Variants in RTN4 observed in about 807,000 individuals in gnomAD.
RTN4 encodes the protein reticulon-4.
In RTN4, 32 loss-of-function variants were observed where a neutral mutation model predicts 90.4. The observed-to-expected ratio is 0.35, with a 90% confidence interval of 0.27 to 0.48. The LOEUF is 0.48. Among genes scored for constraint, RTN4 ranks in the 20% least tolerant of loss-of-function variants. The pLI is 0.99. For missense variants in RTN4, 1,706 were observed against 1,430.2 expected (o/e 1.19, Z -3.11); for synonymous variants, 629 against 552.5 (o/e 1.14, Z -1.94).
chr2:55,027,100 C>T lies in RTN4; in HGVS notation c.999G>A (p.Lys333=). 6.2e-7 allele frequency: 1 copy of T among 1,611,992 alleles called. No homozygotes were observed. Among genetic ancestry groups the T allele is most frequent in the South Asian group, 1.1e-5 (1 of 91,000 alleles). Residue 333 remains lysine (K), a synonymous_variant, in exon 3 of 9, where the codon AAG becomes AAA. Transcript: ENST00000337526. ...TATGAAGGATGTTATTACTAACTAA[C>T]TTCTCTTCTTCATCTTTATTTTTCA... ...IIVKNKDEEE[K]LVSNNILHNQ...
chr2:54,976,727 C>T (rs1677666327), intron 5 of RTN4, among the ~76,000 whole-genome samples: 1 of 152,114 alleles, frequency 6.6e-6, no homozygotes, highest in Non-Finnish European at 1.5e-5. Flanking sequence ...AATGGGAATC[C>T]ACCACAAATG....
At chr2:55,003,968 A>T (rs1573355414) in intron 3 of RTN4, among the ~76,000 whole-genome samples, 2 of 152,316 alleles carry the variant, frequency 1.3e-5, no homozygotes, top group East Asian at 3.9e-4. Context: ...ATGGCTGTAC[A>T]TAAAAAGGGA....
chr2:55,042,176 C>T (rs989173157), intron 1 of RTN4, among the ~76,000 whole-genome samples: 2 of 152,124 alleles, frequency 1.3e-5, no homozygotes, highest in Non-Finnish European at 2.9e-5. Flanking sequence ...GGTACCTTAA[C>T]AGGTTGGTGG....
intron 1 of RTN4, among the ~76,000 whole-genome samples, chr2:55,038,482 A>C (rs1682840765): frequency 7.3e-6 from 1 of 137,242 alleles, no homozygotes. Context: ...TTGAACAGAC[A>C]CTTCACCAAA....
At chr2:55,076,928 A>G (rs1202113654) in intron 2 of RTN4, among the ~76,000 whole-genome samples, 1 of 152,050 alleles carries the variant, frequency 6.6e-6, no homozygotes, top group Admixed American at 6.6e-5. Flanking sequence ...CATGATGGAA[A>G]GTTTCCTGAG....
At chr2:55,073,101 T>C (rs985370754) in intron 2 of RTN4, among the ~76,000 whole-genome samples, 3 of 152,208 alleles carry the variant, frequency 2.0e-5, no homozygotes, top group Non-Finnish European at 2.9e-5. Flanking sequence ...TTAAATAAAT[T>C]AAAAAGAAAA....
intron 1 of RTN4, among the ~76,000 whole-genome samples, chr2:55,029,088 C>A (rs1029598276): frequency 2.6e-5 from 4 of 152,220 alleles, no homozygotes; most frequent in African/African-American, 9.6e-5. Flanking sequence ...GGGATTAATG[C>A]CCTTACAAGA....
intron 4 of RTN4, among the ~76,000 whole-genome samples, chr2:54,986,100 G>T (rs2104665204): frequency 6.6e-6 from 1 of 152,244 alleles, no homozygotes; most frequent in East Asian, 1.9e-4. Context: ...AAGGCAGCAT[G>T]AACATGGGTA....
chr2:55,050,371 G>A lies in RTN4; in HGVS notation c.-71C>T. 9.6e-7 allele frequency: 1 copy of A among 1,045,778 alleles called. No individual in the cohort carries two copies. The highest frequency in any genetic ancestry group is 1.3e-6 in the Non-Finnish European group (1 of 776,528). The allele number at this position is 1,045,778 out of a possible 1,614,324, so 64.8% of individuals were successfully genotyped here. ...GGGCCGCGTCTCAGAGCCGCGGGCG[G>A]TTGTGGGGGTTGGGGAGGACTGAGA... On this transcript the variant is annotated 5_prime_UTR_variant, in exon 1 of 9. Transcript: ENST00000337526. This position sits in a 1 kb window ranked among gnomAD's most constrained non-coding sequence, Gnocchi z 4.6.
At chr2:55,069,194 T>A (rs1447610192) in intron 2 of RTN4, among the ~76,000 whole-genome samples, 1 of 152,256 alleles carries the variant, frequency 6.6e-6, no homozygotes, top group Non-Finnish European at 1.5e-5. Flanking sequence ...TAACACATTT[T>A]ACCTAGCTCA....
At chr2:55,102,307 G>C (rs1268476615) in intron 1 of RTN4, among the ~76,000 whole-genome samples, 1 of 152,034 alleles carries the variant, frequency 6.6e-6, no homozygotes, top group Non-Finnish European at 1.5e-5. Context: ...TAGGCCAGGG[G>C]GTAGCAAACC....
chr2:55,099,999 A>G (rs932996704), intron 1 of RTN4, among the ~76,000 whole-genome samples: 4 of 152,246 alleles, frequency 2.6e-5, no homozygotes, highest in Middle Eastern at 6.8e-3. Context: ...ATCTAGTGAC[A>G]TGCTGACTTA....
chr2:55,027,628 T>C (rs1034869243), intron 2 of RTN4, 143 bp from the exon 3 acceptor site: 53 of 784,344 alleles, frequency 6.8e-5, no homozygotes, highest in Middle Eastern at 7.5e-4. Context: ...TAAGTAACAA[T>C]AGAGTAGACT....
chr2:54,983,859 C>T (rs1678341661), intron 4 of RTN4, among the ~76,000 whole-genome samples: 1 of 152,206 alleles, frequency 6.6e-6, no homozygotes, highest in African/African-American at 2.4e-5. Flanking sequence ...TGGGTAAGTG[C>T]TCCAACTCTG....
intron 3 of RTN4, among the ~76,000 whole-genome samples, chr2:55,024,502 G>GGT (rs1460123653): frequency 1.3e-5 from 2 of 152,018 alleles, no homozygotes; most frequent in South Asian, 2.1e-4. Context: ...ATGCAAATCA[G>GGT]GTATGTGGAA....
chr2:55,026,549 G>A lies in RTN4; in HGVS notation c.1550C>T (p.Pro517Leu), dbSNP rs201909156. Residue 517 changes from proline (P) to leucine (L), a missense_variant, in exon 3 of 9, where the codon CCT becomes CTT. Pro to Leu is a moderately conservative substitution (Grantham distance 98). Coordinates refer to ENST00000337526, the MANE Select transcript of RTN4 (RefSeq NM_020532.5). ...EKNTSTKTSN[P>L]FLVAAQDSET... The stretch of plus-strand genomic sequence containing the variant: ...AGAATCCTGTGCTGCTACAAGAAAA[G>A]GGTTTGATGTTTTGGTGCTAGTATT... 3 of 1,613,538 alleles carry A rather than the reference G, an allele frequency of 1.9e-6. No individual in the cohort carries two copies. The highest frequency in any genetic ancestry group is 3.3e-5 in the Admixed American group (2 of 59,970).
chr2:55,023,165 G>A (rs1014930130), intron 3 of RTN4, among the ~76,000 whole-genome samples: 16 of 151,836 alleles, frequency 1.1e-4, no homozygotes, highest in African/African-American at 3.6e-4. Context: ...CAACTTTCTT[G>A]ACTTACTGTC....
At chr2:55,034,899 A>G (rs1558835057) in intron 1 of RTN4, among the ~76,000 whole-genome samples, 2 of 152,216 alleles carry the variant, frequency 1.3e-5, no homozygotes. Context: ...TTACATGTGA[A>G]ACATGTAAGG....
At chr2:55,136,878 T>C in the RTN4 span, among the ~76,000 whole-genome samples, 1 of 152,204 alleles carries the variant, frequency 6.6e-6, no homozygotes, top group Non-Finnish European at 1.5e-5. Context: ...ATCAATACCC[T>C]GGGCCAGGTA....
Sources: allele counts gnomAD v4.1 joint callset (sites outside exome capture counted in the v4.1 genomes callset), GRCh38; gene constraint gnomAD v4.1.1; non-coding constraint Gnocchi (gnomAD v3.1); transcripts MANE v1.5; gene names NCBI Gene and HGNC (gene_info 2026-07-23, HGNC 2026-07-21).